The following DHX38 variants were observed in gnomAD, a reference collection of about 807,000 sequenced individuals.
The protein encoded by DHX38 is pre-mRNA-splicing factor ATP-dependent RNA helicase PRP16.
A neutral mutation model predicts 153.1 loss-of-function variants in DHX38; 100 were observed. That is an observed-to-expected ratio of 0.65 (90% CI 0.56 to 0.77). DHX38 has a LOEUF of 0.77. Among genes scored for constraint, DHX38 ranks in the 30% least tolerant of loss-of-function variants. DHX38 has a pLI of 0.00. For missense variants in DHX38, 1,440 were observed against 1,654.0 expected (o/e 0.87, Z 2.24); for synonymous variants, 650 against 631.7 (o/e 1.03, Z -0.43).
Position 72,107,706 on chromosome 16 carries a change from G to T in DHX38, c.2871G>T (p.Lys957Asn). The change falls in exon 21 of 27, where the codon AAG (lysine) becomes AAT (asparagine). Residue 957 changes from lysine (K) to asparagine (N), a missense_variant. Physicochemically the swap from Lys to Asn is moderately conservative, Grantham distance 94. Coordinates refer to ENST00000268482, the MANE Select transcript of DHX38 (RefSeq NM_014003.4). This position sits in a 1 kb window ranked among gnomAD's most constrained non-coding sequence, Gnocchi z 5.3. The part of the protein sequence containing the change: ...VEFPLDPALS[K>N]MLIVSCDMGC... ...TCCCGCTGGACCCTGCCCTGTCCAA[G>T]ATGCTCATCGTGTCCTGTGACATGG... The T allele has an allele frequency of 6.2e-7, 1 of 1,614,166 alleles. No individual in the cohort carries two copies. Among genetic ancestry groups the T allele is most frequent in the Non-Finnish European group, 8.5e-7 (1 of 1,180,034 alleles).
chr16:72,094,931 T>C (rs1326792454), intron 1 of DHX38, among the ~76,000 whole-genome samples: 2 of 152,274 alleles, frequency 1.3e-5, no homozygotes, highest in Admixed American at 1.3e-4. Context: ...TGTGTGGATT[T>C]CCTCACATGC....
chr16:72,112,173 G>A (rs917099354), intron 26 of DHX38: 15 of 572,882 alleles, frequency 2.6e-5, no homozygotes, highest in Non-Finnish European at 4.7e-5. Flanking sequence ...CCTAGGGACT[G>A]TGGGAGGAGT....
In DHX38 at chr16:72,112,543, A is replaced by G. The variant is rs547169389; in HGVS notation, c.*46A>G. ...GGATGGCAGCAGGTATTGGGTCCTC[A>G]GCCTTCTGGCGGGAGCCCTGAGGCT... On this transcript the variant is annotated 3_prime_UTR_variant, in exon 27 of 27. Coordinates refer to ENST00000268482, the MANE Select transcript of DHX38 (RefSeq NM_014003.4). The G allele has an allele frequency of 1.3e-6, 2 of 1,595,684 alleles. No homozygotes were observed. Among genetic ancestry groups the G allele is most frequent in the South Asian group, 2.2e-5 (2 of 90,838 alleles).
chr16:72,096,794 C>A (rs773376795), intron 2 of DHX38, 28 bp from the exon 3 acceptor site: 10 of 1,597,644 alleles, frequency 6.3e-6, no homozygotes, highest in African/African-American at 4.0e-5. Context: ...TATGGAGGGG[C>A]CTTTACCAGT....
intron 3 of DHX38, chr16:72,097,372 A>G (rs1270692014): frequency 7.0e-6 from 3 of 430,010 alleles, no homozygotes; most frequent in East Asian, 8.1e-5. Context: ...CTTGCTCAGT[A>G]TTAAGTTTTA....
chr16:72,103,743 G>A lies in DHX38; in HGVS notation c.1779G>A (p.Val593=), dbSNP rs201224128. ...TQPRRVAAMS[V]AKRVSEEMGG... ...CCCGGCGTGTAGCTGCCATGTCAGT[G>A]GCCAAGAGAGTCAGTGAAGAGATGG... The change falls in exon 13 of 27, where the codon GTG becomes GTA. Residue 593 remains valine, a synonymous_variant. Coordinates refer to ENST00000268482, the MANE Select transcript of DHX38 (RefSeq NM_014003.4). 8 of 1,613,850 alleles carry A rather than the reference G, an allele frequency of 5.0e-6. No homozygotes were observed. Among genetic ancestry groups the A allele is most frequent in the African/African-American group, 2.7e-5 (2 of 74,932 alleles).
chr16:72,108,779 C>T, intron 23 of DHX38, 21 bp from the exon 24 acceptor site: 1 of 1,608,520 alleles, frequency 6.2e-7, no homozygotes, highest in African/African-American at 1.3e-5. Flanking sequence ...GATGTGGCTG[C>T]CTGTTGTGTC....
chr16:72,096,625 A>G (rs1437511270), intron 2 of DHX38, 145 bp downstream of exon 2: 10 of 1,485,566 alleles, frequency 6.7e-6, no homozygotes, highest in Non-Finnish European at 8.9e-6. Flanking sequence ...GTAGGTAGGA[A>G]TTTGTGGGGA....
intron 26 of DHX38, 35 bp downstream of exon 26, chr16:72,111,112 C>A: frequency 6.5e-7 from 1 of 1,528,700 alleles, no homozygotes. Flanking sequence ...GCTGGGGTGG[C>A]ACCCATCCCA....
rs201520345 is a variant in DHX38 at position 72,104,661 on chromosome 16, C to T, written c.2151+35C>T. The T allele has an allele frequency of 1.9e-6, 3 of 1,613,112 alleles. No individual in the cohort carries two copies. The highest frequency in any genetic ancestry group is 2.5e-6 in the Non-Finnish European group (3 of 1,179,570). On this transcript the variant is annotated intron_variant, in intron 15 of 26. Coordinates refer to ENST00000268482, the MANE Select transcript of DHX38 (RefSeq NM_014003.4). The surrounding 1 kb of genome is among the most constrained non-coding windows in gnomAD (Gnocchi z 4.5). ...CCACCATGTTACGAACTGACCCTTC[C>T]ATGCCACGCACTTCTCTGATGCGAA...
chr16:72,107,975 G>T lies in DHX38; in HGVS notation c.2964+176G>T, dbSNP rs1296217879. The stretch of plus-strand genomic sequence containing the variant: ...GTAGGGGAAAGGAAGGGCTGGGCCA[G>T]TGGTTCTCAGGGAATGCTTTGGAAA... On this transcript the variant is annotated intron_variant, in intron 21 of 26. Transcript: ENST00000268482. The surrounding 1 kb of genome is among the most constrained non-coding windows in gnomAD (Gnocchi z 5.3). Among the ~76,000 whole-genome samples the T allele has an allele frequency of 3.3e-5, 5 of 152,242 alleles. No homozygotes were observed. The highest frequency in any genetic ancestry group is 7.3e-5 in the Non-Finnish European group (5 of 68,036).
intron 24 of DHX38, 132 bp from the exon 25 acceptor site, chr16:72,109,283 T>G: frequency 9.7e-7 from 1 of 1,029,258 alleles, no homozygotes; most frequent in Non-Finnish European, 1.4e-6. Context: ...TATCTGGGGT[T>G]TTTCCTTTCC....
At chr16:72,096,680 C>G in intron 2 of DHX38, 142 bp from the exon 3 acceptor site, 1 of 1,488,734 alleles carries the variant, frequency 6.7e-7, no homozygotes, top group East Asian at 2.3e-5. Flanking sequence ...TTAGAAATGC[C>G]TTGGGTTGTT....
Position 72,108,230 on chromosome 16 carries a change from C to A in DHX38, c.2968C>A (p.Arg990=). Residue 990 remains arginine (R), a synonymous_variant, in exon 22 of 27, where the codon CGA becomes AGA. Coordinates refer to ENST00000268482, the MANE Select transcript of DHX38 (RefSeq NM_014003.4). ...AAGGTTCTTTTTCCCTTCCTAGGGT[C>A]GAGAGGAGGAGAGTGATCAAATCCG... is the stretch of plus-strand genomic sequence containing the variant. ...VPAIFYRPKG[R]EEESDQIREK... 1 of 1,613,916 alleles carries A rather than the reference C, an allele frequency of 6.2e-7. No individual in the cohort carries two copies. The highest frequency in any genetic ancestry group is 1.1e-5 in the South Asian group (1 of 91,060).
intron 9 of DHX38, 96 bp downstream of exon 9, chr16:72,100,693 G>T: frequency 6.6e-7 from 1 of 1,514,092 alleles, no homozygotes. Context: ...CACTTTGGGA[G>T]GCTGAGGAGG....
At position 72,101,538 on chromosome 16, in the gene DHX38, G is replaced by A; in HGVS notation, c.1425G>A (p.Leu475=). 1 of 1,552,128 alleles carries A rather than the reference G, an allele frequency of 6.4e-7. No individual in the cohort carries two copies. The highest frequency in any genetic ancestry group is 1.4e-5 in the African/African-American group (1 of 73,198). ...ACTGGGAACTGGCGGGGACCAAACT[G>A]GGAGATATAATGGGCGTCAAGAAGG... is the stretch of plus-strand genomic sequence containing the variant. The part of the protein sequence containing the change: ...HKHWELAGTK[L]GDIMGVKKEE... The change falls in exon 11 of 27, where the codon CTG becomes CTA. Residue 475 remains leucine (L), a synonymous_variant. Coordinates refer to ENST00000268482, the MANE Select transcript of DHX38 (RefSeq NM_014003.4).
rs2042190610 is a variant in DHX38, at chr16:72,107,240, G to A, written c.2601-100G>A. 1.6e-6 allele frequency: 2 copies of A among 1,249,890 alleles called. No homozygotes were observed. The highest frequency in any genetic ancestry group is 1.1e-6 in the Non-Finnish European group (1 of 904,872). 77.4% of individuals were successfully genotyped at this position (1,249,890 alleles called of 1,614,324 possible). A position where few individuals can be genotyped will look rare whatever the true frequency, so the allele number is the denominator to read the frequency against. On this transcript the variant is annotated intron_variant, in intron 19 of 26. Transcript: ENST00000268482. This position sits in a 1 kb window ranked among gnomAD's most constrained non-coding sequence, Gnocchi z 5.3. ...GTGATTCACTGAAGTAGTGGGTGGG[G>A]AGAAGAAATGAGAATTTCCTCCCTC...
chr16:72,106,942 G>A (rs547245266), intron 19 of DHX38, among the ~76,000 whole-genome samples: 5 of 152,048 alleles, frequency 3.3e-5, no homozygotes, highest in African/African-American at 4.8e-5. Context: ...AGGCCGAGGC[G>A]GGCCGATCAC....
At chr16:72,095,058 T>C (rs1597436040) in intron 1 of DHX38, among the ~76,000 whole-genome samples, 1 of 152,386 alleles carries the variant, frequency 6.6e-6, no homozygotes, top group South Asian at 2.1e-4. Flanking sequence ...GGCAATACTC[T>C]GTAGAGCTGT....
Sources: gnomAD v4.1 joint callset for allele counts (sites outside exome capture counted in the v4.1 genomes callset) on GRCh38, gnomAD v4.1.1 for gene constraint, Gnocchi (gnomAD v3.1) non-coding constraint, MANE v1.5 for transcripts, NCBI Gene and HGNC (gene_info 2026-07-23, HGNC 2026-07-21) for gene names.